Variants in GALNT17 observed in about 807,000 individuals in gnomAD.
GALNT17 encodes UDP-GalNAc:polypeptide N-acetylgalactosaminyltransferase-like 3.
In GALNT17, 29 loss-of-function variants were observed where a neutral mutation model predicts 63.7. That is an observed-to-expected ratio of 0.46 (90% CI 0.34 to 0.62). GALNT17 has a LOEUF of 0.62. Among genes scored for constraint, GALNT17 ranks in the 20% least tolerant of loss-of-function variants. The pLI, the probability that GALNT17 is intolerant of heterozygous loss-of-function variation, is 0.01. For synonymous variants in GALNT17, 305 were observed against 318.3 expected (o/e 0.96, Z 0.45); for missense variants, 603 against 799.6 (o/e 0.75, Z 2.97).
chr7:71,252,221 C>CAAA (rs11366800), intron 1 of GALNT17, among the ~76,000 whole-genome samples: 11 of 121,752 alleles, frequency 9.0e-5, no homozygotes, highest in African/African-American at 3.8e-4. Flanking sequence ...TCCTGAAACT[C>CAAA]AAAAAAAAAA....
At chr7:71,161,095 G>A (rs1056289158) in intron 1 of GALNT17, among the ~76,000 whole-genome samples, 2 of 152,102 alleles carry the variant, frequency 1.3e-5, no homozygotes, top group African/African-American at 4.8e-5. Flanking sequence ...CAAGCATTGG[G>A]ATTACAGGTG....
rs1025626715 is a variant in GALNT17 at position 71,707,350 on chromosome 7, T to A, written c.1501-3411T>A. ...GGAGTGTGAAAGATGGATGAATGAA[T>A]GCATTTTTTTTATTTTGGAATATGA... On this transcript the variant is annotated intron_variant, in intron 9 of 10. Coordinates refer to ENST00000333538, the MANE Select transcript of GALNT17 (RefSeq NM_022479.3). Among the ~76,000 whole-genome samples, 19 of 152,166 alleles carry A rather than the reference T, an allele frequency of 1.2e-4. 1 individual carries two copies. Among genetic ancestry groups the A allele is most frequent in the Admixed American group, 6.5e-5 (1 of 15,282 alleles).
At chr7:71,412,562 G>A (rs1383395738) in intron 3 of GALNT17, among the ~76,000 whole-genome samples, 1 of 151,962 alleles carries the variant, frequency 6.6e-6, no homozygotes, top group African/African-American at 2.4e-5. Context: ...TAATAGAGAC[G>A]GGGTTTCTCC....
chr7:71,491,463 A>G (rs1788006173), intron 5 of GALNT17, among the ~76,000 whole-genome samples: 1 of 152,088 alleles, frequency 6.6e-6, no homozygotes, highest in Non-Finnish European at 1.5e-5. Flanking sequence ...ACCATTATTT[A>G]TGTGTTTGTA....
chr7:71,400,144 T>C (rs1392632374), intron 3 of GALNT17, among the ~76,000 whole-genome samples: 1 of 152,028 alleles, frequency 6.6e-6, no homozygotes, highest in Non-Finnish European at 1.5e-5. Flanking sequence ...ATGCTCTCCC[T>C]CCCCTTGTCC....
At chr7:71,300,410 C>T (rs1007708458) in intron 1 of GALNT17, 9 of 456,172 alleles carry the variant, frequency 2.0e-5, no homozygotes, top group Non-Finnish European at 4.0e-5. Context: ...GTCTTCCCTC[C>T]TGTGTCCCTC....
intron 1 of GALNT17, among the ~76,000 whole-genome samples, chr7:71,174,857 G>A (rs559273481): frequency 2.6e-5 from 4 of 152,224 alleles, no homozygotes; most frequent in East Asian, 1.9e-4. Flanking sequence ...ATGGCTTAGC[G>A]TGGGCTCAGA....
chr7:71,512,105 C>T (rs770126724), intron 5 of GALNT17, among the ~76,000 whole-genome samples: 3 of 148,470 alleles, frequency 2.0e-5, no homozygotes, highest in Admixed American at 6.8e-5. Flanking sequence ...CAGGTGTAAG[C>T]GATTCTCCCG....
intron 9 of GALNT17, among the ~76,000 whole-genome samples, chr7:71,704,670 C>T (rs999343434): frequency 9.2e-5 from 14 of 152,198 alleles, no homozygotes; most frequent in Non-Finnish European, 1.8e-4. Context: ...CAAAGATAGA[C>T]GTGGAGATCA....
At chr7:71,143,803 G>C (rs573870739) in intron 1 of GALNT17, among the ~76,000 whole-genome samples, 1 of 152,128 alleles carries the variant, frequency 6.6e-6, no homozygotes, top group Non-Finnish European at 1.5e-5. Context: ...ACTTCGTGAG[G>C]CTAAGGTGGG....
chr7:71,437,693 G>GT (rs1195150387), intron 5 of GALNT17, among the ~76,000 whole-genome samples: 1 of 152,022 alleles, frequency 6.6e-6, no homozygotes, highest in Non-Finnish European at 1.5e-5. Context: ...GCCTGTTTCA[G>GT]TTTTTGTTGT....
chr7:71,301,431 A>G (rs1027354881), intron 1 of GALNT17, among the ~76,000 whole-genome samples: 2 of 147,786 alleles, frequency 1.4e-5, no homozygotes, highest in Non-Finnish European at 3.0e-5. Context: ...TAAAATATAT[A>G]ACATATATTT....
chr7:71,664,309 T>C (rs1432791105), intron 6 of GALNT17, among the ~76,000 whole-genome samples: 3 of 152,162 alleles, frequency 2.0e-5, no homozygotes, highest in Admixed American at 6.5e-5. Context: ...AAGTAGAGCA[T>C]ATTAACAGTG....
rs1009377891 is a variant in GALNT17 at position 71,325,076 on chromosome 7, G to C, written c.239-10474G>C. Among the ~76,000 whole-genome samples the C allele has an allele frequency of 1.7e-4, 26 of 152,134 alleles. 1 individual carries two copies. Among genetic ancestry groups the C allele is most frequent in the Non-Finnish European group, 3.4e-4 (23 of 68,034 alleles). On this transcript the variant is annotated intron_variant, in intron 1 of 10. Transcript: ENST00000333538. ...CTGGAAGGATAAACTGTATTTTTCAGATACTTACCTTTATTACCATACTGG... is the reference window on the plus strand; with the variant it reads ...CTGGAAGGATAAACTGTATTTTTCACATACTTACCTTTATTACCATACTGG...
At chr7:71,189,816 T>G (rs1157018144) in intron 1 of GALNT17, among the ~76,000 whole-genome samples, 2 of 151,678 alleles carry the variant, frequency 1.3e-5, no homozygotes, top group Non-Finnish European at 1.5e-5. Flanking sequence ...CATTTCTTTT[T>G]TTTTTTTTTT....
At chr7:71,454,756 A>G (rs1365954046) in intron 5 of GALNT17, among the ~76,000 whole-genome samples, 2 of 152,162 alleles carry the variant, frequency 1.3e-5, no homozygotes, top group African/African-American at 4.8e-5. Context: ...CAGTGTTAGC[A>G]TGATCTGAGG....
intron 6 of GALNT17, among the ~76,000 whole-genome samples, chr7:71,635,885 C>T (rs1227540445): frequency 1.3e-5 from 2 of 152,306 alleles, no homozygotes; most frequent in African/African-American, 4.8e-5. Flanking sequence ...CCAGAGGTCA[C>T]TCTCGTCACC....
In GALNT17 at chr7:71,405,160, G is replaced by C. The variant is rs141466396; in HGVS notation, c.590-10729G>C. Among the ~76,000 whole-genome samples the C allele has an allele frequency of 1.3e-3, 196 of 152,320 alleles. No homozygotes were observed. In the Middle Eastern group the frequency reaches 0.014, roughly 11 times the overall value. ...GGAGCCAGCTCTCAGGACAAGCCCA[G>C]GCCAGGCCACAGCAGCTTTGTATTA... is the stretch of plus-strand genomic sequence containing the variant. On this transcript the variant is annotated intron_variant, in intron 3 of 10. Transcript: ENST00000333538.
intron 9 of GALNT17, among the ~76,000 whole-genome samples, chr7:71,695,548 A>G (rs892264646): frequency 6.6e-6 from 1 of 152,140 alleles, no homozygotes; most frequent in Non-Finnish European, 1.5e-5. Flanking sequence ...GTAAATAAAT[A>G]CACTGCATCT....
Sources: allele counts gnomAD v4.1 joint callset (sites outside exome capture counted in the v4.1 genomes callset), GRCh38; gene constraint gnomAD v4.1.1; transcripts MANE v1.5; gene names NCBI Gene and HGNC (gene_info 2026-07-23, HGNC 2026-07-21).